The following MGLL variants were observed in gnomAD, a reference collection of about 807,000 sequenced individuals.
MGLL encodes lysophospholipase homolog.
In MGLL, 7 loss-of-function variants were observed where a neutral mutation model predicts 29.1. The observed-to-expected ratio is 0.24, with a 90% CI of 0.14 to 0.45. The LOEUF (loss-of-function observed/expected upper bound fraction) is 0.45. MGLL is among the 20% of genes least tolerant of loss of function. The probability of loss-of-function intolerance (pLI) is 0.99; values close to 1 mark genes in which losing one functional copy is unlikely to be tolerated. For missense variants in MGLL, 356 were observed against 413.6 expected, an observed-to-expected ratio of 0.86 and a Z score of 1.21; for synonymous variants, 148 against 168.3, an observed-to-expected ratio of 0.88 and a Z score of 0.93.
chr3:127,806,764 C>T (rs1179019846), intron 2 of MGLL, among the ~76,000 whole-genome samples: 2 of 152,072 alleles, frequency 1.3e-5, no homozygotes, highest in African/African-American at 2.4e-5. Flanking sequence ...CGGTGGCTCA[C>T]ACCTGTAATC....
chr3:127,769,453 C>T (rs2076913241), intron 3 of MGLL, among the ~76,000 whole-genome samples: 2 of 152,250 alleles, frequency 1.3e-5, no homozygotes, highest in Non-Finnish European at 2.9e-5. Context: ...TAACCTGCAT[C>T]ACCTAGACGC....
At chr3:127,801,868 A>G (rs2077485407) in intron 2 of MGLL, among the ~76,000 whole-genome samples, 1 of 151,542 alleles carries the variant, frequency 6.6e-6, no homozygotes, top group Non-Finnish European at 1.5e-5. Context: ...CTATGAAAGT[A>G]GCTGGAAGGC....
intron 3 of MGLL, among the ~76,000 whole-genome samples, chr3:127,751,364 G>A (rs2076555659): frequency 1.3e-5 from 2 of 151,504 alleles, no homozygotes; most frequent in African/African-American, 4.9e-5. Flanking sequence ...TGTGTGCCAC[G>A]CCTGAGCCTG....
At chr3:127,752,982 TTC>T (rs762264078) in intron 3 of MGLL, among the ~76,000 whole-genome samples, 4 of 152,216 alleles carry the variant, frequency 2.6e-5, no homozygotes, top group Non-Finnish European at 5.9e-5. Flanking sequence ...ATTGATTTTT[TTC>T]TGAGTCAATG....
intron 3 of MGLL, among the ~76,000 whole-genome samples, chr3:127,756,794 A>G (rs1339583244): frequency 6.6e-6 from 1 of 152,238 alleles, no homozygotes; most frequent in African/African-American, 2.4e-5. Flanking sequence ...TAGAAATCAT[A>G]AAATAAATAC....
Position 127,753,524 on chromosome 3 carries a change from G to A in MGLL, c.262+28265C>T, listed in dbSNP as rs1576550400. Among the ~76,000 whole-genome samples, 3 of 152,318 alleles carry A rather than the reference G, an allele frequency of 2.0e-5. No individual in the cohort carries two copies. The South Asian group carries it at 6.2e-4, about 32-fold the overall frequency. Reference sequence around the variant, plus strand: ...TCCACGGATTCTACCAGCGTTTGCTGAGAACACAACATATGTCAACTGACG... The same window carrying A: ...TCCACGGATTCTACCAGCGTTTGCTAAGAACACAACATATGTCAACTGACG... On this transcript the variant is annotated intron_variant, in intron 3 of 7. Transcript: ENST00000265052.
chr3:127,701,670 G>C (rs1559908040), intron 6 of MGLL, among the ~76,000 whole-genome samples: 1 of 152,080 alleles, frequency 6.6e-6, no homozygotes, highest in Non-Finnish European at 1.5e-5. Flanking sequence ...GCTGCCTGTG[G>C]AGTTTCTCCC....
intron 3 of MGLL, among the ~76,000 whole-genome samples, chr3:127,729,740 T>C (rs2076114207): frequency 6.6e-6 from 1 of 152,216 alleles, no homozygotes; most frequent in South Asian, 2.1e-4. Context: ...CTCCACTGGT[T>C]TGCTTATTCA....
chr3:127,694,494 TCTGCAGA>T (rs1420805954), intron 7 of MGLL, among the ~76,000 whole-genome samples: 1 of 151,952 alleles, frequency 6.6e-6, no homozygotes, highest in Non-Finnish European at 1.5e-5. Context: ...AGGGCCCCTG[TCTGCAGA>T]GCTAGCTCTG....
At chr3:127,721,017 C>T (rs979089886) in intron 5 of MGLL, 36 bp downstream of exon 5, 1 of 1,565,896 alleles carries the variant, frequency 6.4e-7, no homozygotes, top group Non-Finnish European at 8.8e-7. Flanking sequence ...TCCCGGGGAA[C>T]CTGTAGGAAT....
intron 6 of MGLL, among the ~76,000 whole-genome samples, chr3:127,704,442 A>T (rs1489003974): frequency 6.6e-6 from 1 of 152,378 alleles, no homozygotes; most frequent in African/African-American, 2.4e-5. Context: ...AGAAACTATC[A>T]TTAGAGTGAA....
intron 3 of MGLL, among the ~76,000 whole-genome samples, chr3:127,746,884 C>T (rs1460485781): frequency 6.6e-6 from 1 of 152,196 alleles, no homozygotes; most frequent in African/African-American, 2.4e-5. Flanking sequence ...AACCCTGCCC[C>T]TCCCTCCTCC....
intron 6 of MGLL, among the ~76,000 whole-genome samples, chr3:127,704,273 C>G (rs1383256713): frequency 6.6e-6 from 1 of 152,196 alleles, no homozygotes; most frequent in Admixed American, 6.5e-5. Flanking sequence ...ACTATAAAAT[C>G]CCTAGAAGAA....
At chr3:127,746,918 G>T (rs369670553) in intron 3 of MGLL, among the ~76,000 whole-genome samples, 1 of 152,118 alleles carries the variant, frequency 6.6e-6, no homozygotes, top group Non-Finnish European at 1.5e-5. Context: ...CTCAGGGGAC[G>T]GGGTCTAGGA....
chr3:127,722,550 G>C lies in MGLL; in HGVS notation c.279C>G (p.Ser93Arg). The change falls in exon 4 of 8, where the codon AGC becomes AGG. Residue 93 changes from serine (S) to arginine (R), a missense_variant. Ser to Arg is a moderately radical substitution (Grantham distance 110). Coordinates refer to ENST00000265052, the MANE Select transcript of MGLL (RefSeq NM_007283.7). ...CAGACACTACCATCCTCTCCCCTTCGCTCTGTCCGTGGCCAACTGGAAAGG... is the reference window on the plus strand; with the variant it reads ...CAGACACTACCATCCTCTCCCCTTCCCTCTGTCCGTGGCCAACTGGAAAGG... ...FAHDHVGHGQSEGERMVVSDF... is the reference protein window; with the variant it reads ...FAHDHVGHGQREGERMVVSDF... 1 of 1,614,166 alleles carries C rather than the reference G, an allele frequency of 6.2e-7. No individual in the cohort carries two copies.
intron 3 of MGLL, among the ~76,000 whole-genome samples, chr3:127,778,037 A>G (rs1315656774): frequency 6.6e-6 from 1 of 152,222 alleles, no homozygotes; most frequent in East Asian, 1.9e-4. Context: ...CCAATTTACC[A>G]GGCATGCTGG....
At chr3:127,695,987 A>G (rs1356665467) in intron 6 of MGLL, among the ~76,000 whole-genome samples, 1 of 152,176 alleles carries the variant, frequency 6.6e-6, no homozygotes, top group Non-Finnish European at 1.5e-5. Context: ...GGCCCATGCT[A>G]GGAGCCCCTG....
intron 7 of MGLL, among the ~76,000 whole-genome samples, chr3:127,694,308 T>TATAG: frequency 7.9e-6 from 1 of 126,554 alleles, no homozygotes; most frequent in East Asian, 2.4e-4. Context: ...TATATATATA[T>TATAG]GTATGTGTGT....
intron 6 of MGLL, among the ~76,000 whole-genome samples, chr3:127,695,832 T>C (rs2075349772): frequency 6.6e-6 from 1 of 152,268 alleles, no homozygotes; most frequent in African/African-American, 2.4e-5. Context: ...ATCAATTATT[T>C]TATTAAAAAG....
Sources: allele counts gnomAD v4.1 joint callset (sites outside exome capture counted in the v4.1 genomes callset), GRCh38; gene constraint gnomAD v4.1.1; transcripts MANE v1.5; gene names NCBI Gene and HGNC (gene_info 2026-07-23, HGNC 2026-07-21).